Variants in CLCNKB observed in about 807,000 individuals in gnomAD.
The protein encoded by CLCNKB is chloride voltage-gated channel Kb, also known as chloride channel protein ClC-Kb.
A neutral mutation model predicts 83.8 loss-of-function variants in CLCNKB; 74 were observed. The ratio of observed to expected loss-of-function variants is 0.88; its 90% confidence interval spans 0.73 to 1.07. CLCNKB has a LOEUF of 1.07. CLCNKB is among the 50% of genes least tolerant of loss of function. The pLI is 0.00. For synonymous variants in CLCNKB, 358 were observed against 356.6 expected (o/e 1.00, Z -0.04); for missense variants, 798 against 893.6 (o/e 0.89, Z 1.36).
intron 4 of CLCNKB, among the ~76,000 whole-genome samples, chr1:16,046,929 A>T (rs1170555466): frequency 6.6e-6 from 1 of 152,098 alleles, no homozygotes; most frequent in East Asian, 1.9e-4. Context: ...AGTGCCAGGG[A>T]GGGGCCAGTG....
chr1:16,053,509 C>T (rs1437531622), intron 15 of CLCNKB, 130 bp from the exon 16 acceptor site: 3 of 1,345,308 alleles, frequency 2.2e-6, no homozygotes, highest in Non-Finnish European at 3.1e-6. Context: ...ATTCCAGGAA[C>T]CTCTCCGGCC....
chr1:16,045,535 C>G, intron 2 of CLCNKB, 23 bp from the exon 3 acceptor site: 1 of 1,612,156 alleles, frequency 6.2e-7, no homozygotes, highest in Middle Eastern at 1.7e-4. Context: ...CACCCTGTGC[C>G]GTGACCCCAT....
rs147391626 is a variant in CLCNKB at position 16,045,568 on chromosome 1, G to A, written c.111G>A (p.Glu37=). 3.7e-6 allele frequency: 6 copies of A among 1,613,670 alleles called. No homozygotes were observed. The highest frequency in any genetic ancestry group is 5.1e-6 in the Non-Finnish European group (6 of 1,179,700). The change falls in exon 3 of 20, where the codon GAG becomes GAA. Residue 37 remains glutamate (E), a synonymous_variant. Transcript: ENST00000375679. ...RIRRGIRGGL[E]WLKQKLFRLG... ...CATGCCCTGCCCCAGGTGGCCTGGA[G>A]TGGCTGAAGCAGAAGCTCTTCCGCC...
At chr1:16,056,579 G>GGGA (rs2023448994) in intron 19 of CLCNKB, 71 bp downstream of exon 19, 2 of 1,192,078 alleles carry the variant, frequency 1.7e-6, no homozygotes, top group Non-Finnish European at 2.5e-6. Context: ...TGGGGAGGTG[G>GGGA]GGTGGGGGGG....
Position 16,051,580 on chromosome 1 carries a change from C to T in CLCNKB, c.1297+33C>T, listed in dbSNP as rs568204278. 50 of 1,613,132 alleles carry T rather than the reference C, an allele frequency of 3.1e-5. 1 individual carries two copies. The highest frequency in any genetic ancestry group is 1.1e-4 in the South Asian group (10 of 91,066). On this transcript the variant is annotated intron_variant, in intron 13 of 19. Coordinates refer to ENST00000375679, the MANE Select transcript of CLCNKB (RefSeq NM_000085.5). ...TGGGGTCCTGAGGTTCTGAGAGTTT[C>T]GGGGTTCTTGGGGCAGGACCATGGC... is the stretch of plus-strand genomic sequence containing the variant.
chr1:16,052,668 T>C lies in CLCNKB; in HGVS notation c.1622+257T>C, dbSNP rs141451150. On this transcript the variant is annotated intron_variant, in intron 15 of 19. Coordinates refer to ENST00000375679, the MANE Select transcript of CLCNKB (RefSeq NM_000085.5). ...GGATGAGTATTGCCCCGTGTACAGA[T>C]TGAGGAAACCGGGGCTCAGAGAGGT... 5.9e-3 allele frequency among the ~76,000 whole-genome samples: 895 copies of C among 152,282 alleles called. 6 individuals carry two copies. The highest frequency in any genetic ancestry group is 0.021 in the African/African-American group (857 of 41,524).
chr1:16,055,418 G>T lies in CLCNKB; in HGVS notation c.1757-17G>T, dbSNP rs761561518. 2 of 1,607,730 alleles carry T rather than the reference G, an allele frequency of 1.2e-6. No homozygotes were observed. The highest frequency in any genetic ancestry group is 2.7e-5 in the African/African-American group (2 of 74,762). ...CCTCCTAATGTGCCTCCCTCTGGCT[G>T]TCTCTCCACTTGCCAGAGTCCCAGA... is the stretch of plus-strand genomic sequence containing the variant. On this transcript the variant is annotated splice_polypyrimidine_tract_variant and intron_variant, in intron 16 of 19. Coordinates refer to ENST00000375679, the MANE Select transcript of CLCNKB (RefSeq NM_000085.5).
intron 15 of CLCNKB, among the ~76,000 whole-genome samples, chr1:16,053,388 A>C (rs1557472081): frequency 6.6e-6 from 1 of 152,100 alleles, no homozygotes; most frequent in Non-Finnish European, 1.5e-5. Flanking sequence ...AACAGGCTAA[A>C]GTGGAGCTGG....
chr1:16,044,759 G>A (rs1215098458), intron 2 of CLCNKB, among the ~76,000 whole-genome samples, 167 bp downstream of exon 2: 1 of 152,198 alleles, frequency 6.6e-6, no homozygotes, highest in Non-Finnish European at 1.5e-5. Flanking sequence ...GGGTCTGTCT[G>A]TCCAGCTGTC....
chr1:16,050,914 C>T lies in CLCNKB; in HGVS notation c.1093C>T (p.His365Tyr). The T allele has an allele frequency of 6.2e-7, 1 of 1,612,818 alleles. No individual in the cohort carries two copies. ...KQHLDSLFDN[H>Y]SWALMTQNSS... is the part of the protein sequence containing the mutation. ...GCATCTGGACTCGCTGTTCGACAAC[C>T]ACTCCTGGGCGCTGATGACCCAGAA... Residue 365 changes from histidine to tyrosine, a missense_variant, in exon 12 of 20, where the codon CAC becomes TAC. Physicochemically the swap from His to Tyr is moderately conservative, Grantham distance 83. Transcript: ENST00000375679.
intron 4 of CLCNKB, among the ~76,000 whole-genome samples, chr1:16,047,691 C>A (rs1010911950): frequency 1.3e-5 from 2 of 152,124 alleles, no homozygotes; most frequent in Admixed American, 1.3e-4. Flanking sequence ...ATAACTTGAG[C>A]CCTGGCAACT....
intron 9 of CLCNKB, 55 bp from the exon 10 acceptor site, chr1:16,049,760 C>T: frequency 1.2e-6 from 2 of 1,612,568 alleles, no homozygotes; most frequent in Non-Finnish European, 1.7e-6. Context: ...AAGGCCTGGA[C>T]TGCGGCCCCT....
At position 16,055,379 on chromosome 1, in the gene CLCNKB, G is replaced by A. The variant is rs2023405849; in HGVS notation, c.1757-56G>A. On this transcript the variant is annotated intron_variant, in intron 16 of 19. Transcript: ENST00000375679. ...TTGGCTAAGTAGGTGCTAAGTAAAT[G>A]TGAGTCCCTGTTTCCTCCTAATGTG... is the stretch of plus-strand genomic sequence containing the variant. 8.6e-6 allele frequency: 12 copies of A among 1,400,748 alleles called. No individual in the cohort carries two copies. The South Asian group carries it at 1.3e-4, about 15-fold the overall frequency. The allele number at this position is 1,400,748 out of a possible 1,614,324, so 86.8% of individuals were successfully genotyped here.
intron 12 of CLCNKB, 115 bp from the exon 13 acceptor site, chr1:16,051,363 A>G (rs1172807743): frequency 7.4e-7 from 1 of 1,344,708 alleles, no homozygotes; most frequent in Non-Finnish European, 1.1e-6. Flanking sequence ...CAGTGGGTGC[A>G]TGGCCGGCAC....
chr1:16,049,883 A>G lies in CLCNKB; in HGVS notation c.935A>G (p.Asn312Ser). 7 of 1,613,874 alleles carry G rather than the reference A, an allele frequency of 4.3e-6. No individual in the cohort carries two copies. The highest frequency in any genetic ancestry group is 5.9e-6 in the Non-Finnish European group (7 of 1,179,914). Residue 312 changes from asparagine to serine, a missense_variant, in exon 10 of 20, where the codon AAC becomes AGC. Physicochemically the swap from Asn to Ser is conservative, Grantham distance 46. Transcript: ENST00000375679. ...CGAATCTTCTTTGGCTTCATCAGGAACAATAGGTTCAGCTCCAAACTGCTG... is the reference window on the plus strand; with the variant it reads ...CGAATCTTCTTTGGCTTCATCAGGAGCAATAGGTTCAGCTCCAAACTGCTG... ...CQRIFFGFIR[N>S]NRFSSKLLAT...
intron 5 of CLCNKB, 75 bp downstream of exon 5, chr1:16,048,119 G>A (rs540843054): frequency 2.2e-4 from 343 of 1,556,164 alleles, no homozygotes; most frequent in Non-Finnish European, 2.8e-4. Flanking sequence ...ATCACCCCAC[G>A]AAAGCTGCGT....
chr1:16,052,969 G>T (rs2023340090), intron 15 of CLCNKB, among the ~76,000 whole-genome samples: 1 of 152,088 alleles, frequency 6.6e-6, no homozygotes, highest in Admixed American at 6.5e-5. Flanking sequence ...TCCCTATCTG[G>T]AAAATGGGGC....
At chr1:16,050,054 A>G (rs2023239840) in intron 10 of CLCNKB, 138 bp downstream of exon 10, 2 of 159,964 alleles carry the variant, frequency 1.3e-5, no homozygotes, top group Non-Finnish European at 2.2e-5. Context: ...TGGAGCCCCT[A>G]ACACCACCTA....
At chr1:16,055,057 G>T (rs1278233588) in intron 16 of CLCNKB, among the ~76,000 whole-genome samples, 1 of 152,168 alleles carries the variant, frequency 6.6e-6, no homozygotes, top group African/African-American at 2.4e-5. Flanking sequence ...ACTGTGCTGC[G>T]CCAAATGTGA....
Sources: allele counts gnomAD v4.1 joint callset (sites outside exome capture counted in the v4.1 genomes callset), GRCh38; gene constraint gnomAD v4.1.1; transcripts MANE v1.5; gene names NCBI Gene and HGNC (gene_info 2026-07-23, HGNC 2026-07-21).